ZNF208: variants seen among roughly 807,000 people sequenced by gnomAD.
The protein encoded by ZNF208 is zinc finger protein 208, also known as zinc finger protein 95.
In ZNF208, 10 loss-of-function variants were observed where a neutral mutation model predicts 12.1. That is an observed-to-expected ratio of 0.83 (90% CI 0.51 to 1.40). The LOEUF (loss-of-function observed/expected upper bound fraction) is 1.40. Among genes scored for constraint, ZNF208 ranks in the 40% most tolerant of loss-of-function variants. The pLI is 0.00. For synonymous variants in ZNF208, 497 were observed against 488.4 expected (o/e 1.02, Z -0.23); for missense variants, 1,652 against 1,485.0 (o/e 1.11, Z -1.85).
At chr19:21,950,606 G>A (rs1439600456) in intron 4 of ZNF208, among the ~76,000 whole-genome samples, 1 of 151,228 alleles carries the variant, frequency 6.6e-6, no homozygotes, top group Non-Finnish European at 1.5e-5. Context: ...CAATTCTCCT[G>A]CCTCAGCCTC....
intron 4 of ZNF208, chr19:21,940,444 A>C (rs1165170182): frequency 6.6e-6 from 1 of 152,234 alleles, no homozygotes; most frequent in African/African-American, 2.4e-5. Context: ...TGACCATTAA[A>C]AAATTAAATT....
At chr19:21,981,423 A>G (rs1272395072) in intron 3 of ZNF208, among the ~76,000 whole-genome samples, 3 of 152,142 alleles carry the variant, frequency 2.0e-5, no homozygotes, top group African/African-American at 4.8e-5. Context: ...ATCAATAAAC[A>G]TAATCGCTCA....
At chr19:22,002,636 C>A (rs935194108) in intron 1 of ZNF208, among the ~76,000 whole-genome samples, 5 of 151,858 alleles carry the variant, frequency 3.3e-5, no homozygotes, top group African/African-American at 9.7e-5. Flanking sequence ...ATACAGATAA[C>A]CAGAAAGGTA....
rs1257703325 is a variant in ZNF208, at chr19:21,967,513, G to A, written c.*3678C>T. Reference sequence around the variant, plus strand: ...TGGTTCTCTTTCCTCAGCCTCCCAAGTAGCTGGGATTACAGGCATGCACCA... The same window carrying A: ...TGGTTCTCTTTCCTCAGCCTCCCAAATAGCTGGGATTACAGGCATGCACCA... On this transcript the variant is annotated 3_prime_UTR_variant, in exon 4 of 4. Transcript: ENST00000397126. 1 of 152,060 alleles carries A rather than the reference G, an allele frequency of 6.6e-6. No homozygotes were observed. Among genetic ancestry groups the A allele is most frequent in the African/African-American group, 2.4e-5 (1 of 41,386 alleles). 9.4% of individuals were successfully genotyped at this position (152,060 alleles called of 1,614,324 possible).
chr19:21,999,814 T>C (rs911347089), intron 1 of ZNF208, among the ~76,000 whole-genome samples: 8 of 152,132 alleles, frequency 5.3e-5, no homozygotes, highest in Non-Finnish European at 1.2e-4. Flanking sequence ...GCAGAAAAAA[T>C]ATATACATAT....
At chr19:21,996,258 A>G (rs989306749) in intron 1 of ZNF208, among the ~76,000 whole-genome samples, 1 of 152,018 alleles carries the variant, frequency 6.6e-6, no homozygotes, top group Non-Finnish European at 1.5e-5. Context: ...TTACAAGTGG[A>G]TTTGTGAAGG....
chr19:22,007,433 C>T (rs1599635790), intron 1 of ZNF208, among the ~76,000 whole-genome samples: 5 of 138,224 alleles, frequency 3.6e-5, no homozygotes, highest in Admixed American at 3.2e-4. Flanking sequence ...AGGGCGTAAA[C>T]CTGGGAGGAG....
chr19:21,950,491 CTTTTTTT>C (rs59845229), intron 4 of ZNF208, among the ~76,000 whole-genome samples: 1 of 137,794 alleles, frequency 7.3e-6, no homozygotes, highest in Non-Finnish European at 1.6e-5. Flanking sequence ...TAGCCCTGTT[CTTTTTTT>C]TTTTTTTTTA....
At chr19:21,986,588 A>C (rs1970631616) in intron 3 of ZNF208, 1 of 153,786 alleles carries the variant, frequency 6.5e-6, no homozygotes, top group African/African-American at 2.4e-5. Context: ...TGATCTCTAG[A>C]TTCAATAAAC....
chr19:21,941,201 C>G lies in ZNF208; in HGVS notation c.306-7964G>C, dbSNP rs552617200. ...GGCTGAGGGTGAAGCTGCCCAAACT[C>G]CTCAAAGTGGAGCAGCAAAGCAAAC... On this transcript the variant is annotated intron_variant, in intron 4 of 4. Transcript: ENST00000599916. The G allele has an allele frequency of 1.0e-4, 41 of 396,830 alleles. 1 individual carries two copies. The highest frequency in any genetic ancestry group is 8.8e-5 in the Admixed American group (2 of 22,690). 24.6% of individuals were successfully genotyped at this position (396,830 alleles called of 1,614,324 possible).
chr19:21,953,859 T>C (rs981045628), intron 4 of ZNF208, among the ~76,000 whole-genome samples: 1 of 152,216 alleles, frequency 6.6e-6, no homozygotes, highest in Non-Finnish European at 1.5e-5. Flanking sequence ...ATCTTAGTTA[T>C]TTCTTGCCTT....
chr19:21,985,570 AC>A (rs1970617924), intron 3 of ZNF208, among the ~76,000 whole-genome samples: 1 of 152,160 alleles, frequency 6.6e-6, no homozygotes, highest in African/African-American at 2.4e-5. Flanking sequence ...AAAATGTCCC[AC>A]CCAACTTGGT....
intron 1 of ZNF208, among the ~76,000 whole-genome samples, chr19:22,001,263 C>A (rs2145582067): frequency 6.6e-6 from 1 of 151,028 alleles, no homozygotes; most frequent in South Asian, 2.1e-4. Context: ...CCAGCCTAGG[C>A]AACAAGAGCG....
chr19:22,010,267 T>C (rs1971121500), intron 1 of ZNF208, among the ~76,000 whole-genome samples: 2 of 152,348 alleles, frequency 1.3e-5, no homozygotes, highest in African/African-American at 2.4e-5. Context: ...TTCCTCGTTA[T>C]GCACCTTATA....
At chr19:21,957,106 C>T (rs2145523148) in intron 4 of ZNF208, among the ~76,000 whole-genome samples, 1 of 152,344 alleles carries the variant, frequency 6.6e-6, no homozygotes, top group South Asian at 2.1e-4. Context: ...GTGGCACAAT[C>T]TCAGCTCACT....
intron 4 of ZNF208, among the ~76,000 whole-genome samples, chr19:21,945,871 G>A (rs1969808558): frequency 6.6e-6 from 1 of 151,088 alleles, no homozygotes; most frequent in African/African-American, 2.4e-5. Context: ...CCCCAGGTTA[G>A]TGCCTTATCC....
chr19:21,963,615 A>G (rs1211098229), downstream of ZNF208, among the ~76,000 whole-genome samples: 1 of 152,006 alleles, frequency 6.6e-6, no homozygotes, highest in Non-Finnish European at 1.5e-5. Flanking sequence ...ATTTAATTGA[A>G]CTGTCATTTG....
At chr19:21,959,232 A>C (rs1416587006) in intron 4 of ZNF208, among the ~76,000 whole-genome samples, 1 of 152,198 alleles carries the variant, frequency 6.6e-6, no homozygotes, top group Non-Finnish European at 1.5e-5. Flanking sequence ...TAAGTGATGA[A>C]TACAGCAACA....
At position 21,969,558 on chromosome 19, in the gene ZNF208, C is replaced by A. The variant is rs1377647680; in HGVS notation, c.*1633G>T. Reference sequence around the variant, plus strand: ...CTGCAAAAACATATTTTAGTATAAACGCATTTGTGTTTTATAATCTGTAGT... The same window carrying A: ...CTGCAAAAACATATTTTAGTATAAAAGCATTTGTGTTTTATAATCTGTAGT... On this transcript the variant is annotated 3_prime_UTR_variant, in exon 4 of 4. Transcript: ENST00000397126. Among the ~76,000 whole-genome samples the A allele has an allele frequency of 6.6e-6, 1 of 151,932 alleles. No individual in the cohort carries two copies. The highest frequency in any genetic ancestry group is 1.5e-5 in the Non-Finnish European group (1 of 67,994).
Sources: allele counts gnomAD v4.1 joint callset (sites outside exome capture counted in the v4.1 genomes callset), GRCh38; gene constraint gnomAD v4.1.1; transcripts MANE v1.5; gene names NCBI Gene and HGNC (gene_info 2026-07-23, HGNC 2026-07-21).